Variants in MAF observed in about 807,000 individuals in gnomAD.
MAF encodes the protein transcription factor Maf.
Under a neutral mutation model 22.0 loss-of-function variants are expected in MAF, and 10 were observed. That is an observed-to-expected ratio of 0.45 (90% confidence interval 0.28 to 0.77). MAF has a LOEUF of 0.77. Ranked by LOEUF, MAF falls within the 30% of genes least tolerant of loss-of-function variation. MAF has a pLI of 0.12. For synonymous variants in MAF, 337 were observed against 255.8 expected (o/e 1.32, Z -3.03); for missense variants, 544 against 548.4 (o/e 0.99, Z 0.08).
the MAF span, among the ~76,000 whole-genome samples, chr16:79,550,526 G>C: frequency 2.3e-3 from 349 of 152,284 alleles, 1 homozygote; most frequent in Middle Eastern, 3.4e-3. Flanking sequence ...CATTGGGACA[G>C]ATGCTCTTCA....
At chr16:79,595,968 T>C in intron 1 of MAF, 1 of 1,061,432 alleles carries the variant, frequency 9.4e-7, no homozygotes, top group Non-Finnish European at 1.1e-6. Flanking sequence ...GTCATGTTTA[T>C]GTTAAATCTT....
the MAF span, among the ~76,000 whole-genome samples, chr16:79,408,187 C>CT: frequency 2.1e-5 from 3 of 141,722 alleles, no homozygotes; most frequent in Admixed American, 1.5e-4. Flanking sequence ...CTTTTCTTTT[C>CT]TTTGTTTGAG....
the MAF span, among the ~76,000 whole-genome samples, chr16:79,325,502 C>T: frequency 2.0e-5 from 3 of 151,942 alleles, no homozygotes; most frequent in Non-Finnish European, 2.9e-5. Flanking sequence ...AAGTGGAAAG[C>T]AGGATTTGAA....
the MAF span, among the ~76,000 whole-genome samples, chr16:79,246,083 G>A: frequency 6.6e-6 from 1 of 152,130 alleles, no homozygotes; most frequent in Non-Finnish European, 1.5e-5. Flanking sequence ...CGGAGGGATA[G>A]CATTAGGAGA....
the MAF span, among the ~76,000 whole-genome samples, chr16:79,306,319 C>A: frequency 6.6e-6 from 1 of 152,190 alleles, no homozygotes; most frequent in Non-Finnish European, 1.5e-5. Context: ...GAGACAGCAA[C>A]AGTACCACCC....
the MAF span, among the ~76,000 whole-genome samples, chr16:79,308,754 G>C: frequency 6.6e-6 from 1 of 152,258 alleles, no homozygotes; most frequent in South Asian, 2.1e-4. Context: ...TCCCACAGTT[G>C]CAGAGCTAGA....
chr16:79,379,413 G>A, the MAF span, among the ~76,000 whole-genome samples: 2 of 152,050 alleles, frequency 1.3e-5, no homozygotes, highest in Non-Finnish European at 2.9e-5. Context: ...TGCCAATGTG[G>A]AACTATCTTA....
chr16:79,548,546 A>T, the MAF span, among the ~76,000 whole-genome samples: 13 of 152,254 alleles, frequency 8.5e-5, no homozygotes, highest in Admixed American at 3.3e-4. Flanking sequence ...TTCTAGCATG[A>T]TACCGTTGAT....
chr16:79,556,502 T>C, the MAF span, among the ~76,000 whole-genome samples: 1 of 152,182 alleles, frequency 6.6e-6, no homozygotes. Context: ...AGAAGGAGAC[T>C]GTAAGCTGAG....
the MAF span, among the ~76,000 whole-genome samples, chr16:79,351,226 C>T: frequency 2.0e-5 from 3 of 152,152 alleles, no homozygotes; most frequent in African/African-American, 7.2e-5. Context: ...CAAAGCTAAA[C>T]AGTGGGGCTG....
At chr16:79,472,138 A>C in the MAF span, among the ~76,000 whole-genome samples, 15,284 of 152,142 alleles carry the variant, frequency 0.1, 1,272 homozygotes, top group African/African-American at 0.23. Context: ...TTTTATGGAA[A>C]TATTTAGATG....
the MAF span, among the ~76,000 whole-genome samples, chr16:79,428,848 A>AT: frequency 3.4e-4 from 40 of 119,130 alleles, no homozygotes; most frequent in South Asian, 3.8e-4. Flanking sequence ...CTGTCTCAGA[A>AT]AAATAATAAT....
the MAF span, among the ~76,000 whole-genome samples, chr16:79,260,499 A>ATATCTATATCTATATCTATATCTG: frequency 2.8e-5 from 4 of 144,560 alleles, no homozygotes; most frequent in Non-Finnish European, 5.9e-5. Flanking sequence ...ATCTATATCT[A>ATATCTATATCTATATCTATATCTG]TATCTATATA....
At chr16:79,559,686 G>A in the MAF span, among the ~76,000 whole-genome samples, 1 of 152,078 alleles carries the variant, frequency 6.6e-6, no homozygotes, top group South Asian at 2.1e-4. Flanking sequence ...TGTTAAGCAT[G>A]ATTCCATTTT....
chr16:79,256,289 G>T, the MAF span, among the ~76,000 whole-genome samples: 2 of 151,918 alleles, frequency 1.3e-5, no homozygotes, highest in Non-Finnish European at 2.9e-5. Context: ...CACCCGGCCA[G>T]CTAGAGAGAT....
At chr16:79,333,845 C>T in the MAF span, among the ~76,000 whole-genome samples, 1 of 152,190 alleles carries the variant, frequency 6.6e-6, no homozygotes, top group Non-Finnish European at 1.5e-5. Flanking sequence ...ACACGGAAAC[C>T]TATCTGATGC....
At chr16:79,525,315 A>C in the MAF span, among the ~76,000 whole-genome samples, 9 of 152,210 alleles carry the variant, frequency 5.9e-5, no homozygotes, top group African/African-American at 2.2e-4. Context: ...GACCTTGAGA[A>C]CAGTGAATTC....
the MAF span, among the ~76,000 whole-genome samples, chr16:79,313,745 G>A: frequency 1.3e-5 from 2 of 152,170 alleles, no homozygotes; most frequent in South Asian, 2.1e-4. Flanking sequence ...ATCTCACTCC[G>A]CTCTCAATGG....
chr16:79,523,275 CT>C, the MAF span, among the ~76,000 whole-genome samples: 2 of 152,160 alleles, frequency 1.3e-5, no homozygotes, highest in Non-Finnish European at 2.9e-5. Context: ...AGGGCATATC[CT>C]TCTGTAACTA....
Sources: allele counts gnomAD v4.1 joint callset (sites outside exome capture counted in the v4.1 genomes callset), GRCh38; gene constraint gnomAD v4.1.1; transcripts MANE v1.5; gene names NCBI Gene and HGNC (gene_info 2026-07-23, HGNC 2026-07-21).